Variants in PPP3CA observed in about 807,000 individuals in gnomAD.
The protein encoded by PPP3CA is protein phosphatase 3 catalytic subunit alpha, also known as CAM-PRP catalytic subunit.
In PPP3CA, 14 loss-of-function variants were observed where a neutral mutation model predicts 66.5. The observed-to-expected ratio is 0.21, with a 90% CI of 0.14 to 0.33. The LOEUF (loss-of-function observed/expected upper bound fraction) is 0.33. Ranked by LOEUF, PPP3CA falls within the 10% of genes least tolerant of loss-of-function variation. The probability of loss-of-function intolerance (pLI) is 1.00; values close to 1 mark genes in which losing one functional copy is unlikely to be tolerated. For synonymous variants in PPP3CA, 232 were observed against 226.2 expected (o/e 1.03, Z -0.23); for missense variants, 317 against 639.5 (o/e 0.50, Z 5.44).
intron 8 of PPP3CA, among the ~76,000 whole-genome samples, chr4:101,078,297 C>T (rs1422971118): frequency 6.6e-6 from 1 of 152,150 alleles, no homozygotes; most frequent in Non-Finnish European, 1.5e-5. Context: ...GTCCTTCTCT[C>T]GTGCAAGATT....
In PPP3CA at chr4:101,135,840, GATTA is replaced by G. The variant is rs560020772; in HGVS notation, c.260-26766_260-26763del. Among the ~76,000 whole-genome samples, 457 of 152,118 alleles carry G rather than the reference GATTA, an allele frequency of 3.0e-3. 2 individuals are homozygous for G. The highest frequency in any genetic ancestry group is 0.01 in the African/African-American group (427 of 41,494). On this transcript the variant is annotated intron_variant, in intron 2 of 13. Coordinates refer to ENST00000394854, the MANE Select transcript of PPP3CA (RefSeq NM_000944.5). The stretch of plus-strand genomic sequence containing the variant: ...TTTTTACTTTCATTTTCTTCTTTCT[GATTA>G]ATTATTCTCTCCACTCATGGCAACT...
chr4:101,247,163 C>T (rs991688678), intron 1 of PPP3CA, among the ~76,000 whole-genome samples: 1 of 151,214 alleles, frequency 6.6e-6, no homozygotes, highest in African/African-American at 2.4e-5. Context: ...TTTTCCTTTT[C>T]GTTTTTTCTT....
chr4:101,346,546 C>G (rs1426530405), intron 1 of PPP3CA, among the ~76,000 whole-genome samples, 193 bp downstream of exon 1: 1 of 151,746 alleles, frequency 6.6e-6, no homozygotes, highest in Non-Finnish European at 1.5e-5. Flanking sequence ...CTGGGTGGGA[C>G]GCGTGGGGGA....
intron 3 of PPP3CA, among the ~76,000 whole-genome samples, chr4:101,100,731 A>G (rs1020283952): frequency 9.2e-5 from 14 of 152,284 alleles, no homozygotes; most frequent in Non-Finnish European, 5.9e-5. Context: ...AGCTAAGAAG[A>G]TATAAAAACT....
intron 1 of PPP3CA, among the ~76,000 whole-genome samples, chr4:101,236,443 A>C (rs1726134481): frequency 6.6e-6 from 1 of 151,958 alleles, no homozygotes; most frequent in Non-Finnish European, 1.5e-5. Flanking sequence ...TTGGAGTGCT[A>C]GGCACCAAAC....
intron 2 of PPP3CA, among the ~76,000 whole-genome samples, chr4:101,123,847 G>A (rs1722112528): frequency 6.6e-6 from 1 of 152,132 alleles, no homozygotes; most frequent in African/African-American, 2.4e-5. Context: ...AAGTTCTTAA[G>A]AATAAGGACA....
intron 1 of PPP3CA, among the ~76,000 whole-genome samples, chr4:101,257,832 T>C (rs1273585170): frequency 6.6e-6 from 1 of 152,136 alleles, no homozygotes; most frequent in Non-Finnish European, 1.5e-5. Context: ...TTTGTCTCTC[T>C]ATCATCAATG....
At chr4:101,341,143 C>T (rs778625217) in intron 1 of PPP3CA, among the ~76,000 whole-genome samples, 15 of 150,826 alleles carry the variant, frequency 9.9e-5, no homozygotes, top group East Asian at 1.9e-4. Flanking sequence ...AAACAAAATG[C>T]GAAATGAAAT....
intron 11 of PPP3CA, among the ~76,000 whole-genome samples, chr4:101,038,619 C>T (rs1406965084): frequency 3.9e-5 from 6 of 152,120 alleles, no homozygotes; most frequent in Non-Finnish European, 7.4e-5. Context: ...CTGCCTACCT[C>T]GGCCTCCCAA....
chr4:101,100,860 G>T (rs1730411220), intron 3 of PPP3CA, among the ~76,000 whole-genome samples: 1 of 151,954 alleles, frequency 6.6e-6, no homozygotes, highest in South Asian at 2.1e-4. Flanking sequence ...ATATCTATAG[G>T]GAAAAGCTGC....
intron 3 of PPP3CA, among the ~76,000 whole-genome samples, chr4:101,105,064 C>G (rs1395129366): frequency 6.6e-6 from 1 of 151,980 alleles, no homozygotes. Context: ...CAAAACATAG[C>G]AAATTTCATA....
intron 3 of PPP3CA, among the ~76,000 whole-genome samples, chr4:101,106,460 GAAAAGAAA>G (rs1560605228): frequency 0.018 from 421 of 23,472 alleles, 95 homozygotes; most frequent in South Asian, 0.11. Context: ...AAAGAGAAAA[GAAAAGAAA>G]AGAAAAGAAA....
intron 1 of PPP3CA, among the ~76,000 whole-genome samples, chr4:101,280,179 G>A (rs1307437507): frequency 1.3e-5 from 2 of 152,098 alleles, no homozygotes; most frequent in East Asian, 1.9e-4. Context: ...ACAAATATAC[G>A]GCATGTCAAA....
At chr4:101,310,307 ATT>A (rs1728681559) in intron 1 of PPP3CA, among the ~76,000 whole-genome samples, 1 of 152,234 alleles carries the variant, frequency 6.6e-6, no homozygotes, top group African/African-American at 2.4e-5. Flanking sequence ...ACTCACAGAT[ATT>A]ATTAATGTAA....
In PPP3CA at chr4:101,109,056, T is replaced by C; in HGVS notation, c.282A>G (p.Gln94=). The C allele has an allele frequency of 1.2e-6, 2 of 1,613,492 alleles. No homozygotes were observed. Among genetic ancestry groups the C allele is most frequent in the Non-Finnish European group, 1.7e-6 (2 of 1,179,546 alleles). ...PVTVCGDIHG[Q]FFDLMKLFEV... ...CAAAGAGCTTCATCAAATCAAAGAA[T>C]TGTCCATGAATGTCCCCACAAACTG... is the stretch of plus-strand genomic sequence containing the variant. Residue 94 remains glutamine, a synonymous_variant, in exon 3 of 14, where the codon CAA becomes CAG. Transcript: ENST00000394854.
intron 1 of PPP3CA, among the ~76,000 whole-genome samples, chr4:101,269,983 G>T (rs1727287106): frequency 1.3e-5 from 2 of 152,122 alleles, no homozygotes; most frequent in Admixed American, 1.3e-4. Context: ...TTCATTAAAT[G>T]TTAGAAGGAG....
chr4:101,271,224 A>T (rs866842382), intron 1 of PPP3CA, among the ~76,000 whole-genome samples: 10 of 152,178 alleles, frequency 6.6e-5, no homozygotes, highest in African/African-American at 2.2e-4. Context: ...TTCAGTCGAC[A>T]ATAAACTCAT....
At position 101,196,075 on chromosome 4, in the gene PPP3CA, C is replaced by T; in HGVS notation, c.100G>A (p.Val34Met). 2.5e-6 allele frequency: 4 copies of T among 1,614,046 alleles called. No homozygotes were observed. Among genetic ancestry groups the T allele is most frequent in the Non-Finnish European group, 3.4e-6 (4 of 1,179,978 alleles). The change falls in exon 2 of 14, where the codon GTG (valine) becomes ATG (methionine). Residue 34 changes from valine (V) to methionine (M), a missense_variant. Transcript: ENST00000394854. ...PPSHRLTAKE[V>M]FDNDGKPRVD... ...CGAGGTTTTCCATCATTATCAAACA[C>T]TTCTTTTGCTGTAAGCCGGTGACTT...
chr4:101,094,480 A>G (rs1578440599), intron 5 of PPP3CA, among the ~76,000 whole-genome samples: 1 of 152,176 alleles, frequency 6.6e-6, no homozygotes, highest in Non-Finnish European at 1.5e-5. Context: ...GCCACTTGCT[A>G]TATGATATTT....
Sources: allele counts gnomAD v4.1 joint callset (sites outside exome capture counted in the v4.1 genomes callset), GRCh38; gene constraint gnomAD v4.1.1; transcripts MANE v1.5; gene names NCBI Gene and HGNC (gene_info 2026-07-23, HGNC 2026-07-21).